DMD: variants seen among roughly 807,000 people sequenced by gnomAD.
DMD encodes the protein dystrophin, also known as mutant dystrophin.
In DMD, 63 loss-of-function variants were observed where a neutral mutation model predicts 330.1. The ratio of observed to expected loss-of-function variants is 0.19; its 90% CI spans 0.16 to 0.24. DMD has a LOEUF of 0.24. DMD is among the 10% of genes least tolerant of loss of function. The probability of loss-of-function intolerance (pLI) is 1.00; values close to 1 mark genes in which losing one functional copy is unlikely to be tolerated. For synonymous variants in DMD, 1,223 were observed against 959.8 expected, an observed-to-expected ratio of 1.27 and a Z score of -5.07; for missense variants, 3,344 against 2,684.1, an observed-to-expected ratio of 1.25 and a Z score of -5.43.
At chrX:32,935,362 A>G (rs768451247) in intron 2 of DMD, among the ~76,000 whole-genome samples, 331 of 112,515 alleles carry the variant, frequency 2.9e-3, no homozygotes, top group African/African-American at 0.01. Flanking sequence ...CTTTGATGCC[A>G]CAACAACATA....
chrX:31,940,187 T>C (rs1216436736), intron 45 of DMD, among the ~76,000 whole-genome samples: 1 of 111,415 alleles, frequency 9.0e-6, no homozygotes, highest in Non-Finnish European at 1.9e-5. Context: ...GATGGAAATA[T>C]TGAGGGGAAG....
At chrX:31,643,884 T>C (rs1217782567) in intron 54 of DMD, among the ~76,000 whole-genome samples, 2 of 112,072 alleles carry the variant, frequency 1.8e-5, no homozygotes, top group Non-Finnish European at 3.8e-5. Context: ...TTCAATGTGC[T>C]CAATATCTAT....
intron 69 of DMD, among the ~76,000 whole-genome samples, chrX:31,179,357 T>G (rs998159078): frequency 3.6e-5 from 4 of 112,564 alleles, no homozygotes; most frequent in African/African-American, 1.3e-4. Context: ...CATACTTTGT[T>G]GTGTATGGGA....
intron 29 of DMD, among the ~76,000 whole-genome samples, chrX:32,433,394 T>G (rs1420577184): frequency 9.0e-6 from 1 of 111,584 alleles, no homozygotes; most frequent in Non-Finnish European, 1.9e-5. Context: ...AAACCATATA[T>G]CGGCCGGATG....
Position 32,191,323 on chromosome X carries a change from A to C in DMD, c.6438+25593T>G, listed in dbSNP as rs113854201. Among the ~76,000 whole-genome samples the C allele has an allele frequency of 6.7e-3, 748 of 111,977 alleles. 5 individuals carry two copies. The highest frequency in any genetic ancestry group is 0.023 in the African/African-American group (698 of 30,800). On this transcript the variant is annotated intron_variant, in intron 44 of 78. Coordinates refer to ENST00000357033, the MANE Select transcript of DMD (RefSeq NM_004006.3). ...CTTCTTCTCCCTGCTAAACTTCCCT[A>C]GATCTTTCATTACCTAGATGACACA...
intron 7 of DMD, among the ~76,000 whole-genome samples, chrX:32,791,155 G>T (rs760342848): frequency 6.5e-4 from 73 of 111,541 alleles, no homozygotes; most frequent in African/African-American, 2.3e-3. Flanking sequence ...CTAGGAACTG[G>T]CTTGCCCAAT....
chrX:32,312,563 C>T (rs1283806513), intron 41 of DMD, among the ~76,000 whole-genome samples: 1 of 110,169 alleles, frequency 9.1e-6, no homozygotes, highest in African/African-American at 3.3e-5. Context: ...AATTTCAAAC[C>T]CAAATTTTGA....
intron 44 of DMD, among the ~76,000 whole-genome samples, chrX:32,192,951 G>A (rs2096982383): frequency 8.9e-6 from 1 of 111,768 alleles, no homozygotes; most frequent in Non-Finnish European, 1.9e-5. Context: ...TTGGAGGTGG[G>A]GCCTGGTGGG....
intron 44 of DMD, among the ~76,000 whole-genome samples, chrX:32,146,372 G>T (rs73219227): frequency 0.072 from 7,947 of 111,117 alleles, 273 homozygotes; most frequent in Admixed American, 0.16. Context: ...AAGGGATGGT[G>T]GGAGAGAGAG....
chrX:32,089,909 G>C (rs752471402), intron 44 of DMD, among the ~76,000 whole-genome samples: 1 of 111,837 alleles, frequency 8.9e-6, no homozygotes, highest in East Asian at 2.8e-4. Flanking sequence ...CCCACCAGCA[G>C]TGTGTTAAGT....
chrX:32,151,748 T>C (rs2096804691), intron 44 of DMD, among the ~76,000 whole-genome samples: 1 of 111,903 alleles, frequency 8.9e-6, no homozygotes, highest in African/African-American at 3.2e-5. Context: ...TTTTATTGGC[T>C]ATTGTAGTTT....
At chrX:32,462,952 C>A (rs2098388741) in intron 25 of DMD, among the ~76,000 whole-genome samples, 1 of 110,571 alleles carries the variant, frequency 9.0e-6, no homozygotes, top group Admixed American at 9.7e-5. Flanking sequence ...AGAGGGAGAC[C>A]CTGTCCCAAA....
chrX:31,422,123 A>G, intron 60 of DMD, among the ~76,000 whole-genome samples: 1 of 103,848 alleles, frequency 9.6e-6, no homozygotes. Context: ...CTCCCACCTC[A>G]GCCTCCCGAG....
intron 62 of DMD, among the ~76,000 whole-genome samples, chrX:31,299,266 T>C (rs2054446116): frequency 1.8e-5 from 2 of 111,986 alleles, no homozygotes; most frequent in Non-Finnish European, 1.9e-5. Flanking sequence ...GAGGATTTGG[T>C]ACTTTTCTTT....
intron 7 of DMD, among the ~76,000 whole-genome samples, chrX:32,728,636 G>T (rs1006467770): frequency 8.9e-6 from 1 of 112,228 alleles, no homozygotes; most frequent in Non-Finnish European, 1.9e-5. Context: ...TGGCCTATGA[G>T]AAAATGTGAT....
chrX:32,772,906 C>G (rs1044682278), intron 7 of DMD, among the ~76,000 whole-genome samples: 53 of 111,880 alleles, frequency 4.7e-4, no homozygotes, highest in African/African-American at 1.7e-3. Context: ...GAAACTCGGG[C>G]AAACTCATGT....
chrX:31,246,657 G>A (rs951002585), intron 63 of DMD, among the ~76,000 whole-genome samples: 1 of 112,348 alleles, frequency 8.9e-6, no homozygotes, highest in Non-Finnish European at 1.9e-5. Flanking sequence ...GCCGGGCACA[G>A]TGGCTCATGC....
chrX:33,048,591 G>A (rs1402498113), intron 1 of DMD, among the ~76,000 whole-genome samples: 1 of 106,402 alleles, frequency 9.4e-6, no homozygotes, highest in Non-Finnish European at 1.9e-5. Context: ...TATTCGGGAG[G>A]CTGAGGGCAG....
intron 44 of DMD, among the ~76,000 whole-genome samples, chrX:32,087,940 A>T (rs991820078): frequency 8.0e-5 from 9 of 112,304 alleles, no homozygotes; most frequent in Non-Finnish European, 1.7e-4. Context: ...TGAATCTGAC[A>T]TGAATTCTAT....
Sources: allele counts gnomAD v4.1 joint callset (sites outside exome capture counted in the v4.1 genomes callset), GRCh38; gene constraint gnomAD v4.1.1; transcripts MANE v1.5; gene names NCBI Gene and HGNC (gene_info 2026-07-23, HGNC 2026-07-21).